The following DLGAP2 variants were observed in gnomAD, a reference collection of about 807,000 sequenced individuals.
The protein encoded by DLGAP2 is disks large-associated protein 2.
In DLGAP2, 26 loss-of-function variants were observed where a neutral mutation model predicts 100.3. The observed-to-expected ratio is 0.26, with a 90% CI of 0.19 to 0.36. The LOEUF (loss-of-function observed/expected upper bound fraction) is 0.36. DLGAP2 is among the 10% of genes least tolerant of loss of function. The pLI, the probability that DLGAP2 is intolerant of heterozygous loss-of-function variation, is 1.00. For missense variants in DLGAP2, 1,858 were observed against 1,453.2 expected (o/e 1.28, Z -4.53); for synonymous variants, 886 against 630.1 (o/e 1.41, Z -6.08).
intron 2 of DLGAP2, among the ~76,000 whole-genome samples, chr8:988,954 CTT>C (rs901031647): frequency 9.8e-5 from 15 of 152,304 alleles, no homozygotes; most frequent in South Asian, 6.2e-4. Context: ...ATTTTTACCT[CTT>C]TTCTTCTCAG....
chr8:784,931 G>T (rs1418504873), intron 1 of DLGAP2, among the ~76,000 whole-genome samples: 1 of 151,154 alleles, frequency 6.6e-6, no homozygotes, highest in Non-Finnish European at 1.5e-5. Context: ...GTCCTGGCTG[G>T]GCACGGTGGC....
chr8:1,080,034 T>A (rs1302891987), intron 2 of DLGAP2, among the ~76,000 whole-genome samples: 1 of 152,162 alleles, frequency 6.6e-6, no homozygotes, highest in African/African-American at 2.4e-5. Context: ...GAGGAGTGGG[T>A]TAAGGGCATG....
At chr8:1,131,550 C>T (rs1197068129) in intron 2 of DLGAP2, among the ~76,000 whole-genome samples, 1 of 152,222 alleles carries the variant, frequency 6.6e-6, no homozygotes, top group Non-Finnish European at 1.5e-5. Flanking sequence ...GCCACACCCT[C>T]CTCTTACCGT....
intron 2 of DLGAP2, among the ~76,000 whole-genome samples, chr8:986,558 G>A (rs974110969): frequency 1.3e-5 from 2 of 151,992 alleles, no homozygotes; most frequent in African/African-American, 4.8e-5. Flanking sequence ...CTGAGAGAGA[G>A]AAAGGGGCTG....
intron 6 of DLGAP2, among the ~76,000 whole-genome samples, chr8:1,594,488 A>G (rs1796387457): frequency 1.3e-5 from 2 of 152,184 alleles, no homozygotes; most frequent in Admixed American, 1.3e-4. Context: ...ACCAGATCAA[A>G]CAGAAGAAAG....
chr8:1,307,282 A>G (rs961429654), intron 3 of DLGAP2, among the ~76,000 whole-genome samples: 1 of 152,226 alleles, frequency 6.6e-6, no homozygotes, highest in South Asian at 2.1e-4. Context: ...ATCATTAATT[A>G]TTAAGGGAAT....
intron 2 of DLGAP2, among the ~76,000 whole-genome samples, chr8:949,565 C>G (rs571599967): frequency 1.1e-3 from 168 of 152,326 alleles, no homozygotes; most frequent in African/African-American, 3.8e-3. Context: ...GGACCCCACA[C>G]GTGGGCGCGT....
At chr8:1,351,755 C>CTG (rs1801732256) in intron 3 of DLGAP2, among the ~76,000 whole-genome samples, 1 of 45,810 alleles carries the variant, frequency 2.2e-5, no homozygotes, top group Non-Finnish European at 4.5e-5. Context: ...CGGGTCCTGA[C>CTG]TATGTGTGGA....
At chr8:1,334,257 G>A (rs11785424) in intron 3 of DLGAP2, among the ~76,000 whole-genome samples, 35,239 of 152,110 alleles carry the variant, frequency 0.23, 4,209 homozygotes, top group African/African-American at 0.28. Context: ...AAGCTGAGAA[G>A]CCATGGCAGT....
At chr8:1,293,329 G>C (rs564787918) in intron 3 of DLGAP2, among the ~76,000 whole-genome samples, 42 of 151,414 alleles carry the variant, frequency 2.8e-4, no homozygotes, top group Middle Eastern at 3.5e-3. Context: ...GCTCCCGGAC[G>C]GCTGAGCCAT....
intron 1 of DLGAP2, chr8:754,086 C>G (rs1820860083): frequency 6.6e-6 from 1 of 152,234 alleles, no homozygotes; most frequent in South Asian, 2.1e-4. Context: ...CGCACCGCTC[C>G]ACGTGGGGAG....
At chr8:1,257,439 C>T (rs1306511952) in intron 2 of DLGAP2, among the ~76,000 whole-genome samples, 1 of 152,158 alleles carries the variant, frequency 6.6e-6, no homozygotes, top group Non-Finnish European at 1.5e-5. Context: ...CCCTCCACCC[C>T]CCCGCCCCAT....
chr8:1,037,557 G>A lies in DLGAP2; in HGVS notation c.73+129591G>A, dbSNP rs138284180. ...AGCTGCATCATCTGCTGTCCCTCCC[G>A]GCATCACCTGCACTTTATCCTCTAA... On this transcript the variant is annotated intron_variant, in intron 2 of 14. Coordinates refer to ENST00000637795, the MANE Select transcript of DLGAP2 (RefSeq NM_001346810.2). 9.2e-3 allele frequency among the ~76,000 whole-genome samples: 1,408 copies of A among 152,238 alleles called. 17 individuals are homozygous for A. The highest frequency in any genetic ancestry group is 0.032 in the African/African-American group (1,311 of 41,542).
intron 1 of DLGAP2, among the ~76,000 whole-genome samples, chr8:888,868 G>A (rs898514923): frequency 5.3e-5 from 8 of 152,256 alleles, no homozygotes; most frequent in Middle Eastern, 3.4e-3. Context: ...GTTGCACGAG[G>A]AGCAGGTTTC....
At chr8:1,222,805 TG>T (rs140569374) in intron 2 of DLGAP2, among the ~76,000 whole-genome samples, 70 of 152,204 alleles carry the variant, frequency 4.6e-4, no homozygotes, top group African/African-American at 1.2e-3. Context: ...GTTGCTGTGC[TG>T]CAAGTGGGTG....
chr8:915,723 A>C (rs991427201), intron 2 of DLGAP2, among the ~76,000 whole-genome samples: 1 of 151,896 alleles, frequency 6.6e-6, no homozygotes, highest in African/African-American at 2.4e-5. Flanking sequence ...CTCCCCATCT[A>C]TTCATCTCTC....
At chr8:1,670,470 T>C (rs550780743) in intron 10 of DLGAP2, among the ~76,000 whole-genome samples, 1 of 152,246 alleles carries the variant, frequency 6.6e-6, no homozygotes, top group African/African-American at 2.4e-5. Context: ...CCCGGAGGCC[T>C]CTCTGGACCC....
At position 1,144,316 on chromosome 8, in the gene DLGAP2, G is replaced by C. The variant is rs76572505; in HGVS notation, c.74-114535G>C. Among the ~76,000 whole-genome samples, 1,057 of 152,324 alleles carry C rather than the reference G, an allele frequency of 6.9e-3. 15 individuals are homozygous for C. Among genetic ancestry groups the C allele is most frequent in the African/African-American group, 0.024 (1,011 of 41,554 alleles). On this transcript the variant is annotated intron_variant, in intron 2 of 14. Transcript: ENST00000637795. ...GATTAAAGAGAAAAACAAATCAGGA[G>C]GTAAAATTACTGTTTATGGGCCAGG...
At chr8:1,460,398 G>T (rs1798440772) in intron 3 of DLGAP2, among the ~76,000 whole-genome samples, 1 of 152,174 alleles carries the variant, frequency 6.6e-6, no homozygotes, top group Admixed American at 6.5e-5. Context: ...TGCTGGCTAG[G>T]ACTTTAATCA....
Sources: gnomAD v4.1 joint callset for allele counts (sites outside exome capture counted in the v4.1 genomes callset) on GRCh38, gnomAD v4.1.1 for gene constraint, MANE v1.5 for transcripts, NCBI Gene and HGNC (gene_info 2026-07-23, HGNC 2026-07-21) for gene names.